The following EYS variants were observed in gnomAD, a reference collection of about 807,000 sequenced individuals.
The protein encoded by EYS is EGF-like photoreceptor maintenance factor.
EYS carries 250 observed loss-of-function variants against 282.1 expected under a neutral mutation model. The ratio of observed to expected loss-of-function variants is 0.89; its 90% CI spans 0.80 to 0.98. The LOEUF is 0.98. EYS is among the 50% of genes least tolerant of loss of function. EYS has a pLI of 0.00. For missense variants in EYS, 4,016 were observed against 3,709.0 expected, an observed-to-expected ratio of 1.08 and a Z score of -2.15; for synonymous variants, 1,355 against 1,282.9, an observed-to-expected ratio of 1.06 and a Z score of -1.20.
At chr6:64,958,734 CAAAAAAAAAAA>C (rs1167094477) in intron 14 of EYS, among the ~76,000 whole-genome samples, 16,011 of 51,852 alleles carry the variant, frequency 0.31, 984 homozygotes, top group East Asian at 0.45. Flanking sequence ...GACTCCGTCT[CAAAAAAAAAAA>C]AAAAAAAAAA....
At chr6:64,166,763 G>C (rs1764302516) in intron 31 of EYS, among the ~76,000 whole-genome samples, 1 of 152,034 alleles carries the variant, frequency 6.6e-6, no homozygotes, top group African/African-American at 2.4e-5. Flanking sequence ...AATTAATTGG[G>C]GAAAAGATCA....
At chr6:64,983,465 C>T (rs1164535278) in intron 14 of EYS, among the ~76,000 whole-genome samples, 1 of 151,152 alleles carries the variant, frequency 6.6e-6, no homozygotes, top group African/African-American at 2.4e-5. Context: ...TCAATACAAC[C>T]AGTTTTCCCC....
At chr6:64,103,537 T>C (rs1472211341) in intron 31 of EYS, among the ~76,000 whole-genome samples, 3 of 152,076 alleles carry the variant, frequency 2.0e-5, no homozygotes, top group Non-Finnish European at 4.4e-5. Flanking sequence ...TTGAGAAAAG[T>C]CTGAAGTTCA....
chr6:64,925,416 G>T (rs139310927), intron 15 of EYS, among the ~76,000 whole-genome samples: 4 of 138,620 alleles, frequency 2.9e-5, no homozygotes, highest in Non-Finnish European at 6.4e-5. Context: ...TTGGTTATAC[G>T]TAGTCTTCAT....
intron 29 of EYS, among the ~76,000 whole-genome samples, chr6:64,311,385 T>A (rs929141771): frequency 6.6e-6 from 1 of 152,192 alleles, no homozygotes; most frequent in African/African-American, 2.4e-5. Context: ...CATTGCATGG[T>A]ATCTTCATTT....
At chr6:64,564,856 G>A (rs1765515753) in intron 26 of EYS, among the ~76,000 whole-genome samples, 1 of 152,080 alleles carries the variant, frequency 6.6e-6, no homozygotes, top group Non-Finnish European at 1.5e-5. Flanking sequence ...ATGACAGATT[G>A]TCGTTTTAAT....
chr6:65,669,341 A>C (rs1052436658), intron 1 of EYS, among the ~76,000 whole-genome samples: 14 of 152,076 alleles, frequency 9.2e-5, no homozygotes, highest in Admixed American at 4.6e-4. Context: ...CATAAGATTT[A>C]GTCATACAAA....
intron 22 of EYS, among the ~76,000 whole-genome samples, chr6:64,775,673 G>A (rs1773657807): frequency 2.0e-5 from 3 of 151,956 alleles, no homozygotes; most frequent in Non-Finnish European, 4.4e-5. Flanking sequence ...GCAGTTGGAA[G>A]TCAGGACCAC....
chr6:64,530,992 C>T (rs1764310624), intron 26 of EYS, among the ~76,000 whole-genome samples: 1 of 152,062 alleles, frequency 6.6e-6, no homozygotes, highest in South Asian at 2.1e-4. Flanking sequence ...TTTGATATGC[C>T]GGTAAAATTG....
intron 35 of EYS, among the ~76,000 whole-genome samples, chr6:63,906,134 G>A (rs1275790141): frequency 6.6e-6 from 1 of 152,194 alleles, no homozygotes; most frequent in Non-Finnish European, 1.5e-5. Flanking sequence ...GATATTTCGA[G>A]TAAGAGGGTG....
At chr6:64,587,675 A>G (rs16895511) in intron 26 of EYS, among the ~76,000 whole-genome samples, 1,713 of 152,144 alleles carry the variant, frequency 0.011, 51 homozygotes, top group East Asian at 0.11. Context: ...GGTGCTGGCT[A>G]TCATTTTAGG....
intron 26 of EYS, among the ~76,000 whole-genome samples, chr6:64,482,445 T>A (rs923091069): frequency 6.6e-6 from 1 of 151,756 alleles, no homozygotes; most frequent in African/African-American, 2.4e-5. Context: ...AGATAGCTTA[T>A]TTTTTTCAAA....
intron 12 of EYS, among the ~76,000 whole-genome samples, chr6:65,236,186 C>T (rs974273581): frequency 3.9e-5 from 6 of 151,988 alleles, no homozygotes; most frequent in African/African-American, 1.4e-4. Context: ...CTAATATTAC[C>T]GGAATTTCCA....
At chr6:65,056,056 T>G (rs1773403548) in intron 13 of EYS, among the ~76,000 whole-genome samples, 1 of 152,098 alleles carries the variant, frequency 6.6e-6, no homozygotes, top group Non-Finnish European at 1.5e-5. Flanking sequence ...ATGCATCTAT[T>G]ACTTCTCATT....
chr6:63,966,619 G>A (rs1474840543), intron 35 of EYS, among the ~76,000 whole-genome samples: 1 of 152,320 alleles, frequency 6.6e-6, no homozygotes, highest in East Asian at 1.9e-4. Context: ...AGGCTAAGCT[G>A]ACTGCCTGAA....
chr6:64,442,112 A>G (rs570426032), intron 26 of EYS, among the ~76,000 whole-genome samples: 1 of 152,290 alleles, frequency 6.6e-6, no homozygotes, highest in African/African-American at 2.4e-5. Flanking sequence ...AATGCTGATA[A>G]TGATATGGAC....
chr6:63,878,783 G>A (rs941392707), intron 35 of EYS, among the ~76,000 whole-genome samples: 4 of 152,118 alleles, frequency 2.6e-5, no homozygotes, highest in Admixed American at 1.3e-4. Context: ...AGCCAGGCAC[G>A]GGATATAATC....
intron 14 of EYS, among the ~76,000 whole-genome samples, chr6:64,977,726 T>A (rs757498491): frequency 8.9e-5 from 13 of 145,316 alleles, no homozygotes; most frequent in Admixed American, 2.0e-4. Context: ...AACATGCAAA[T>A]TGTAGGAAAG....
intron 23 of EYS, among the ~76,000 whole-genome samples, chr6:64,625,260 A>G (rs1040930047): frequency 6.6e-6 from 1 of 152,210 alleles, no homozygotes; most frequent in Non-Finnish European, 1.5e-5. Context: ...ATCAATATAG[A>G]CCTAAAAGGA....
Sources: allele counts gnomAD v4.1 joint callset (sites outside exome capture counted in the v4.1 genomes callset), GRCh38; gene constraint gnomAD v4.1.1; transcripts MANE v1.5; gene names NCBI Gene and HGNC (gene_info 2026-07-23, HGNC 2026-07-21).